The following OR6B3 variants were observed in gnomAD, a reference collection of about 807,000 sequenced individuals.
OR6B3 encodes the protein olfactory receptor 6B3.
For missense variants in OR6B3, 315 were observed against 427.4 expected (o/e 0.74, Z 2.32); for synonymous variants, 148 against 187.8 (o/e 0.79, Z 1.73).
upstream of OR6B3, among the ~76,000 whole-genome samples, chr2:240,048,406 G>A (rs570250687): frequency 3.9e-5 from 6 of 152,062 alleles, no homozygotes; most frequent in Non-Finnish European, 8.8e-5. Flanking sequence ...CCCCATCTCC[G>A]CACTGTCTCT....
At chr2:240,047,321 T>C (rs1698205432), upstream of OR6B3, among the ~76,000 whole-genome samples, 7 of 152,184 alleles carry the variant, frequency 4.6e-5, no homozygotes, top group South Asian at 1.5e-3. Context: ...TAAGTAAGTT[T>C]TGTCACATCC....
chr2:240,049,047 G>A (rs886314538), upstream of OR6B3, among the ~76,000 whole-genome samples: 17 of 152,288 alleles, frequency 1.1e-4, no homozygotes, highest in Admixed American at 2.6e-4. Context: ...GCAGGGAGGA[G>A]GGCTGAGGGC....
intron 1 of OR6B3, among the ~76,000 whole-genome samples, chr2:240,046,641 C>T (rs953233724): frequency 7.2e-5 from 11 of 152,122 alleles, no homozygotes; most frequent in African/African-American, 2.2e-4. Flanking sequence ...CAGCAGCAGC[C>T]GGAGCCTCCC....
chr2:240,046,882 A>G (rs1208540080), intron 1 of OR6B3, 70 bp downstream of exon 2: 1 of 152,210 alleles, frequency 6.6e-6, no homozygotes, highest in Non-Finnish European at 1.5e-5. Flanking sequence ...AGTCCTGGGA[A>G]AAAGAAGGCT....
the OR6B3 span, among the ~76,000 whole-genome samples, chr2:240,052,888 C>T: frequency 2.0e-5 from 3 of 152,094 alleles, no homozygotes; most frequent in East Asian, 3.9e-4. This position sits in a 1 kb window ranked among gnomAD's most constrained non-coding sequence, Gnocchi z 4.5. Context: ...CTCGGCTCAC[C>T]GCAACCTCCG....
upstream of OR6B3, among the ~76,000 whole-genome samples, chr2:240,051,540 A>G (rs760724905): frequency 6.6e-6 from 1 of 152,232 alleles, no homozygotes; most frequent in African/African-American, 2.4e-5. Flanking sequence ...GTCCCAATTC[A>G]TTTTACAAAA....
intron 1 of OR6B3, 105 bp from the exon 3 acceptor site, chr2:240,046,202 G>T: frequency 1.4e-6 from 1 of 734,512 alleles, no homozygotes; most frequent in Non-Finnish European, 2.2e-6. Context: ...GAGAGGCCAC[G>T]TGGCTCCCCA....
the OR6B3 span, among the ~76,000 whole-genome samples, chr2:240,052,453 A>G: frequency 6.6e-6 from 1 of 152,220 alleles, no homozygotes; most frequent in Non-Finnish European, 1.5e-5. The surrounding 1 kb of genome is among the most constrained non-coding windows in gnomAD (Gnocchi z 4.5). Flanking sequence ...GAGCACCACC[A>G]TAAAGTCAAT....
upstream of OR6B3, among the ~76,000 whole-genome samples, chr2:240,050,468 C>A (rs1265462072): frequency 2.0e-5 from 3 of 152,004 alleles, no homozygotes; most frequent in Non-Finnish European, 4.4e-5. Context: ...TAATCCCAGC[C>A]CTTTGGGAGG....
At chr2:240,048,909 G>T (rs1242271048), upstream of OR6B3, among the ~76,000 whole-genome samples, 1 of 152,204 alleles carries the variant, frequency 6.6e-6, no homozygotes, top group African/African-American at 2.4e-5. Flanking sequence ...AGTCTTTGAG[G>T]ATGTTACCAC....
the OR6B3 span, among the ~76,000 whole-genome samples, chr2:240,052,633 T>C: frequency 1.3e-5 from 2 of 152,144 alleles, no homozygotes; most frequent in African/African-American, 4.8e-5. This position sits in a 1 kb window ranked among gnomAD's most constrained non-coding sequence, Gnocchi z 4.5. Context: ...AGAAAGTGCA[T>C]TTCAGATGGA....
the OR6B3 span, among the ~76,000 whole-genome samples, chr2:240,052,793 T>C: frequency 2.0e-4 from 31 of 152,302 alleles, no homozygotes; most frequent in African/African-American, 7.0e-4. This position sits in a 1 kb window ranked among gnomAD's most constrained non-coding sequence, Gnocchi z 4.5. Context: ...TAAAGAATAA[T>C]CCAATTAAAG....
chr2:240,051,568 G>A (rs557474015), upstream of OR6B3, among the ~76,000 whole-genome samples: 26 of 152,272 alleles, frequency 1.7e-4, no homozygotes, highest in East Asian at 1.9e-3. Flanking sequence ...TTCCTGATAC[G>A]AAAGCCTGAT....
the OR6B3 span, among the ~76,000 whole-genome samples, chr2:240,052,163 T>G: frequency 6.6e-6 from 1 of 152,218 alleles, no homozygotes; most frequent in Non-Finnish European, 1.5e-5. The surrounding 1 kb of genome is among the most constrained non-coding windows in gnomAD (Gnocchi z 4.5). Context: ...AATTAGAATA[T>G]TCTTAGATTC....
upstream of OR6B3, among the ~76,000 whole-genome samples, chr2:240,048,251 A>C (rs1035580011): frequency 5.9e-5 from 9 of 152,230 alleles, no homozygotes; most frequent in African/African-American, 2.2e-4. Context: ...AAACCACAGT[A>C]GTATACGTCG....
chr2:240,049,716 G>A (rs1698232474), upstream of OR6B3, among the ~76,000 whole-genome samples: 1 of 150,410 alleles, frequency 6.6e-6, no homozygotes, highest in Non-Finnish European at 1.5e-5. Flanking sequence ...GTAATTGTTT[G>A]GAAAAAAAGA....
At chr2:240,044,644 C>T (rs1185087138), downstream of OR6B3, among the ~76,000 whole-genome samples, 1 of 152,244 alleles carries the variant, frequency 6.6e-6, no homozygotes, top group Non-Finnish European at 1.5e-5. Flanking sequence ...AGGAAAAAGG[C>T]AGAGGGGGCA....
chr2:240,044,839 T>A (rs1452674572), downstream of OR6B3, among the ~76,000 whole-genome samples: 1 of 152,232 alleles, frequency 6.6e-6, no homozygotes, highest in Non-Finnish European at 1.5e-5. Flanking sequence ...TCTGGCATGT[T>A]TTGCTGCTTT....
chr2:240,051,719 C>T (rs372371468), upstream of OR6B3, among the ~76,000 whole-genome samples: 6 of 152,294 alleles, frequency 3.9e-5, no homozygotes, highest in East Asian at 5.8e-4. Context: ...ATTATTTCAG[C>T]GGTGCAAAGA....
Sources: gnomAD v4.1 joint callset for allele counts (sites outside exome capture counted in the v4.1 genomes callset) on GRCh38, gnomAD v4.1.1 for gene constraint, Gnocchi (gnomAD v3.1) non-coding constraint, MANE v1.5 for transcripts, NCBI Gene and HGNC (gene_info 2026-07-23, HGNC 2026-07-21) for gene names.